MEIKIN: variants seen among roughly 807,000 people sequenced by gnomAD.
MEIKIN encodes meiotic kinetochore factor, also known as meiosis-specific kinetochore protein.
rs1223112825 is a variant in MEIKIN at position 131,855,523 on chromosome 5, A to G, written c.775-689T>C. Among the ~76,000 whole-genome samples, 9 of 151,944 alleles carry G rather than the reference A, an allele frequency of 5.9e-5. No individual in the cohort carries two copies. The East Asian group carries it at 1.7e-3, about 29-fold the overall frequency. On this transcript the variant is annotated intron_variant, in intron 9 of 12. Coordinates refer to ENST00000442687, the MANE Select transcript of MEIKIN (RefSeq NM_001303622.2). ...ACAGAAAGCGAGGAAGCGACAGGCC[A>G]AAAGAGAGAGAGGGAGGAAGGGAGA...
intron 11 of MEIKIN, among the ~76,000 whole-genome samples, chr5:131,836,777 A>G (rs1749816684): frequency 1.3e-5 from 2 of 149,610 alleles, no homozygotes; most frequent in Non-Finnish European, 3.0e-5. Flanking sequence ...TCAGTTCGTT[A>G]TAGATGCTGG....
At chr5:131,910,156 T>A (rs1751310852) in intron 8 of MEIKIN, among the ~76,000 whole-genome samples, 1 of 152,136 alleles carries the variant, frequency 6.6e-6, no homozygotes, top group Non-Finnish European at 1.5e-5. Flanking sequence ...CAGCCAAGAT[T>A]TGGAAGCAAC....
At chr5:131,871,600 G>T (rs985149053) in intron 9 of MEIKIN, among the ~76,000 whole-genome samples, 13 of 152,188 alleles carry the variant, frequency 8.5e-5, no homozygotes, top group African/African-American at 2.7e-4. Context: ...AAAGACAGCA[G>T]TGACCTCTGC....
Position 131,834,596 on chromosome 5 carries a change from G to T in MEIKIN, c.976-15733C>A, listed in dbSNP as rs114113578. 6.5e-3 allele frequency among the ~76,000 whole-genome samples: 982 copies of T among 152,162 alleles called. 13 individuals carry two copies. The highest frequency in any genetic ancestry group is 0.023 in the African/African-American group (943 of 41,510). On this transcript the variant is annotated intron_variant, in intron 11 of 12. Transcript: ENST00000442687. ...TCATACAGTATTTGTCATTGTATGT[G>T]TGGCTTATTTCACTTAGCATACTGT...
chr5:131,860,187 A>T (rs751480650), intron 9 of MEIKIN, among the ~76,000 whole-genome samples: 3 of 151,718 alleles, frequency 2.0e-5, no homozygotes, highest in Non-Finnish European at 4.4e-5. Flanking sequence ...ATCCATGAGC[A>T]TGAGATGTCT....
intron 11 of MEIKIN, among the ~76,000 whole-genome samples, chr5:131,835,176 ATGTGTATATATATGTGTG>A (rs1433135049): frequency 1.5e-5 from 2 of 129,640 alleles, no homozygotes; most frequent in Admixed American, 7.2e-5. Flanking sequence ...CCATATATAT[ATGTGTATATATATGTGTG>A]TGTGTATATA....
intron 9 of MEIKIN, among the ~76,000 whole-genome samples, chr5:131,865,657 AT>A (rs147666155): frequency 0.052 from 7,844 of 152,024 alleles, 270 homozygotes; most frequent in Non-Finnish European, 0.077. Context: ...GCTTTTTCCA[AT>A]TTTTTTGAAT....
chr5:131,873,601 G>C (rs1750549531), intron 9 of MEIKIN, among the ~76,000 whole-genome samples: 1 of 152,128 alleles, frequency 6.6e-6, no homozygotes, highest in South Asian at 2.1e-4. Context: ...GAGACAGAAA[G>C]TTAACAAGGA....
At chr5:131,871,648 T>C (rs948623817) in intron 9 of MEIKIN, among the ~76,000 whole-genome samples, 1 of 151,830 alleles carries the variant, frequency 6.6e-6, no homozygotes, top group African/African-American at 2.4e-5. Flanking sequence ...TTGAAGAGAG[T>C]AGTGGTTCTC....
chr5:131,855,472 A>C (rs1334737992), intron 9 of MEIKIN, among the ~76,000 whole-genome samples: 3 of 152,070 alleles, frequency 2.0e-5, no homozygotes, highest in Non-Finnish European at 4.4e-5. Context: ...AGAGAAACAG[A>C]CAAGATACAA....
At position 131,901,744 on chromosome 5, in the gene MEIKIN, C is replaced by G. The variant is rs185274018; in HGVS notation, c.703+10071G>C. Among the ~76,000 whole-genome samples the G allele has an allele frequency of 1.9e-3, 285 of 152,198 alleles. 1 individual carries two copies. The highest frequency in any genetic ancestry group is 6.6e-3 in the African/African-American group (276 of 41,542). On this transcript the variant is annotated intron_variant, in intron 8 of 12. Transcript: ENST00000442687. ...GGTCCTGAGCTGAGCCTTGGCCCCC[C>G]ACAAAATCTTCCAGAAACAAAACCA... is the stretch of plus-strand genomic sequence containing the variant.
chr5:131,927,576 C>A (rs1751608294), intron 5 of MEIKIN, among the ~76,000 whole-genome samples: 1 of 152,172 alleles, frequency 6.6e-6, no homozygotes, highest in Admixed American at 6.5e-5. Flanking sequence ...AATTATCCCA[C>A]AATTATTGTA....
At chr5:131,837,436 A>G (rs1749829413) in intron 11 of MEIKIN, among the ~76,000 whole-genome samples, 1 of 152,102 alleles carries the variant, frequency 6.6e-6, no homozygotes, top group Non-Finnish European at 1.5e-5. Flanking sequence ...GAATCTATAA[A>G]TTGCTTTGGG....
intron 12 of MEIKIN, among the ~76,000 whole-genome samples, chr5:131,815,069 C>T (rs1340801120): frequency 6.6e-6 from 1 of 152,176 alleles, no homozygotes; most frequent in Non-Finnish European, 1.5e-5. Context: ...CTTCCTCATA[C>T]AAAATTCTGC....
chr5:131,900,701 G>T (rs1434165240), intron 8 of MEIKIN, among the ~76,000 whole-genome samples: 1 of 152,140 alleles, frequency 6.6e-6, no homozygotes, highest in East Asian at 1.9e-4. Flanking sequence ...TCACCTCTTG[G>T]TTGGCCTGCC....
chr5:131,895,563 A>G (rs1463147495), intron 8 of MEIKIN, among the ~76,000 whole-genome samples: 1 of 152,174 alleles, frequency 6.6e-6, no homozygotes, highest in Non-Finnish European at 1.5e-5. Context: ...CCTCAATTTC[A>G]GCGCCTGTTA....
chr5:131,874,270 GA>G (rs1750566467), intron 9 of MEIKIN, among the ~76,000 whole-genome samples: 1 of 152,120 alleles, frequency 6.6e-6, no homozygotes, highest in Admixed American at 6.5e-5. Context: ...AAGAAGAAAA[GA>G]GAGAAGAATC....
chr5:131,860,638 G>A (rs1336217783), intron 9 of MEIKIN, among the ~76,000 whole-genome samples: 12 of 150,744 alleles, frequency 8.0e-5, no homozygotes, highest in East Asian at 3.9e-4. Flanking sequence ...TAGTAGAGAC[G>A]GGGTTTCACT....
At chr5:131,915,713 G>A (rs1357581625) in intron 7 of MEIKIN, among the ~76,000 whole-genome samples, 1 of 152,120 alleles carries the variant, frequency 6.6e-6, no homozygotes, top group African/African-American at 2.4e-5. Flanking sequence ...GAAGTAAATG[G>A]ATGACAGTAA....
Sources: allele counts gnomAD v4.1 joint callset (sites outside exome capture counted in the v4.1 genomes callset), GRCh38; gene constraint gnomAD v4.1.1; transcripts MANE v1.5; gene names NCBI Gene and HGNC (gene_info 2026-07-23, HGNC 2026-07-21).